Variants in CLPTM1L observed in about 807,000 individuals in gnomAD.
The protein encoded by CLPTM1L is lipid scramblase CLPTM1L.
Under a neutral mutation model 70.9 loss-of-function variants are expected in CLPTM1L, and 38 were observed. The ratio of observed to expected loss-of-function variants is 0.54; its 90% CI spans 0.41 to 0.70. The LOEUF (loss-of-function observed/expected upper bound fraction) is 0.70. Among genes scored for constraint, CLPTM1L ranks in the 30% least tolerant of loss-of-function variants. The pLI, the probability that CLPTM1L is intolerant of heterozygous loss-of-function variation, is 0.00. For synonymous variants in CLPTM1L, 339 were observed against 299.9 expected (o/e 1.13, Z -1.35); for missense variants, 652 against 705.9 (o/e 0.92, Z 0.87).
intron 12 of CLPTM1L, among the ~76,000 whole-genome samples, 183 bp from the exon 13 acceptor site, chr5:1,323,094 C>A (rs915485621): frequency 3.3e-5 from 5 of 152,186 alleles, no homozygotes; most frequent in African/African-American, 1.2e-4. Flanking sequence ...CGCTGAGCAC[C>A]CCCGGCCGGG....
intron 6 of CLPTM1L, 40 bp from the exon 7 acceptor site, chr5:1,334,423 T>C (rs1753421220): frequency 4.4e-6 from 6 of 1,355,936 alleles, no homozygotes; most frequent in South Asian, 3.5e-5. Flanking sequence ...AAACAGGCAA[T>C]GTCAATCTTA....
Position 1,344,464 on chromosome 5 carries a change from G to C in CLPTM1L, c.163-13C>G, listed in dbSNP as rs775861218. The C allele has an allele frequency of 3.7e-6, 6 of 1,609,594 alleles. No homozygotes were observed. The highest frequency in any genetic ancestry group is 5.1e-6 in the Non-Finnish European group (6 of 1,176,384). ...TGTACACGCTCAGCTGGAAAGGAGG[G>C]GGCGTCGAGAGTCAGCTCGGCCAGG... On this transcript the variant is annotated splice_polypyrimidine_tract_variant and intron_variant, in intron 1 of 16. Coordinates refer to ENST00000320895, the MANE Select transcript of CLPTM1L (RefSeq NM_030782.5).
intron 2 of CLPTM1L, among the ~76,000 whole-genome samples, chr5:1,343,257 T>G (rs1385863512): frequency 3.9e-5 from 6 of 151,990 alleles, no homozygotes; most frequent in Admixed American, 3.9e-4. Context: ...GGCTCCTCAC[T>G]ACCCAGGAAA....
In CLPTM1L at chr5:1,342,147, C is replaced by T. The variant is rs1188800505; in HGVS notation, c.264-287G>A. 6.6e-6 allele frequency among the ~76,000 whole-genome samples: 1 copy of T among 152,012 alleles called. No individual in the cohort carries two copies. Among genetic ancestry groups the T allele is most frequent in the East Asian group, 1.9e-4 (1 of 5,170 alleles). On this transcript the variant is annotated intron_variant, in intron 2 of 16. Transcript: ENST00000320895. The surrounding 1 kb of genome is among the most constrained non-coding windows in gnomAD (Gnocchi z 4.3). ...CCTCCATCTCAGGAGGCTGAGAGGT[C>T]AATAACCCACCTGAGGCCACAAGGC...
At chr5:1,339,032 A>G (rs1250382820) in intron 3 of CLPTM1L, 27 bp from the exon 4 acceptor site, 4 of 1,605,246 alleles carry the variant, frequency 2.5e-6, no homozygotes, top group Non-Finnish European at 3.4e-6. Flanking sequence ...ACAGAGGCCA[A>G]TGCTGGGACA....
intron 3 of CLPTM1L, among the ~76,000 whole-genome samples, chr5:1,341,104 G>A (rs966223426): frequency 6.6e-6 from 1 of 152,222 alleles, no homozygotes; most frequent in Non-Finnish European, 1.5e-5. Context: ...TCAACACAAA[G>A]GTGGGTGTCA....
At chr5:1,322,534 C>T (rs1752216881) in intron 13 of CLPTM1L, among the ~76,000 whole-genome samples, 1 of 152,220 alleles carries the variant, frequency 6.6e-6, no homozygotes. Flanking sequence ...AGACAACAGT[C>T]ATGCACCACA....
In CLPTM1L at chr5:1,331,811, A is replaced by G; in HGVS notation, c.964T>C (p.Ser322Pro). 6.2e-7 allele frequency: 1 copy of G among 1,613,360 alleles called. No individual in the cohort carries two copies. The highest frequency in any genetic ancestry group is 8.5e-7 in the Non-Finnish European group (1 of 1,179,976). ...WKKKKSMIGM[S>P]TKAVLWRCFS... ...TCGGGGGGCCTACCTGCCTTGGTGG[A>G]CATGCCGATCATGCTCTTCTTCTTC... The change falls in exon 8 of 17, where the codon TCC (serine) becomes CCC (proline). Residue 322 changes from serine (S) to proline (P), a missense_variant. Physicochemically the swap from Ser to Pro is moderately conservative, Grantham distance 74 (BLOSUM62 -1). Coordinates refer to ENST00000320895, the MANE Select transcript of CLPTM1L (RefSeq NM_030782.5).
chr5:1,323,915 GCCT>G, intron 11 of CLPTM1L, 46 bp from the exon 12 acceptor site: 1 of 1,441,098 alleles, frequency 6.9e-7, no homozygotes, highest in Non-Finnish European at 9.8e-7. Flanking sequence ...CAAACGCCAA[GCCT>G]CTGTAAACAC....
chr5:1,325,672 C>T, intron 10 of CLPTM1L, 79 bp downstream of exon 10: 1 of 1,185,402 alleles, frequency 8.4e-7, no homozygotes, highest in Non-Finnish European at 1.2e-6. Flanking sequence ...CTGCAGATGG[C>T]CATCTTACTC....
At chr5:1,340,268 AAGGAGACTGAG>A (rs1753857474) in intron 3 of CLPTM1L, among the ~76,000 whole-genome samples, 1 of 152,230 alleles carries the variant, frequency 6.6e-6, no homozygotes, top group African/African-American at 2.4e-5. Context: ...CTGTGGCTGT[AAGGAGACTGAG>A]AGGGAGTCAG....
intron 9 of CLPTM1L, among the ~76,000 whole-genome samples, chr5:1,326,929 A>C (rs1169058080): frequency 6.1e-5 from 9 of 148,474 alleles, no homozygotes; most frequent in Non-Finnish European, 1.0e-4. Context: ...CTCCTCCTCT[A>C]CGGACACATT....
rs996582087 is a variant in CLPTM1L at position 1,318,584 on chromosome 5, C to A, written c.1533-131G>T. The A allele has an allele frequency of 1.4e-6, 1 of 730,944 alleles. No individual in the cohort carries two copies. Among genetic ancestry groups the A allele is most frequent in the East Asian group, 2.7e-5 (1 of 36,562 alleles). The allele number at this position is 730,944 out of a possible 1,614,324, so 45.3% of individuals were successfully genotyped here. A position where few individuals can be genotyped will look rare whatever the true frequency, so the allele number is the denominator to read the frequency against. ...GAGCAAATTAACTAAAAAGTCGAAT[C>A]CTCAGAAGTTTTACTGCCGAGGGCT... On this transcript the variant is annotated intron_variant, in intron 16 of 16. Coordinates refer to ENST00000320895, the MANE Select transcript of CLPTM1L (RefSeq NM_030782.5). This position sits in a 1 kb window ranked among gnomAD's most constrained non-coding sequence, Gnocchi z 8.9.
In CLPTM1L at chr5:1,342,040, GCA is replaced by G. The variant is rs1197040532; in HGVS notation, c.264-182_264-181del. Among the ~76,000 whole-genome samples the G allele has an allele frequency of 8.3e-4, 45 of 54,418 alleles. No homozygotes were observed. The highest frequency in any genetic ancestry group is 4.1e-3 in the African/African-American group (35 of 8,634). The allele number at this position is 54,418 out of a possible 152,430, so 35.7% of individuals were successfully genotyped here. On this transcript the variant is annotated intron_variant, in intron 2 of 16. Transcript: ENST00000320895. The surrounding 1 kb of genome is among the most constrained non-coding windows in gnomAD (Gnocchi z 4.3). ...TGTGTGTGTGTGTGTGTGTGTGTGT[GCA>G]CGCGCACGCGTGCGCGTCCTGAGAA...
At chr5:1,331,633 G>A (rs367650311) in intron 8 of CLPTM1L, 166 bp downstream of exon 8, 6 of 627,438 alleles carry the variant, frequency 9.6e-6, no homozygotes, top group Non-Finnish European at 1.7e-5. Flanking sequence ...TTGCCGCAAC[G>A]GCTCCCTGGG....
intron 3 of CLPTM1L, among the ~76,000 whole-genome samples, chr5:1,340,911 G>T (rs944370214): frequency 6.6e-6 from 1 of 152,034 alleles, no homozygotes; most frequent in Non-Finnish European, 1.5e-5. Context: ...GATTACAGGC[G>T]CGTGCCACCA....
chr5:1,344,743 G>A lies in CLPTM1L; in HGVS notation c.99C>T (p.Thr33=), dbSNP rs1305304490. The A allele has an allele frequency of 6.2e-7, 1 of 1,602,188 alleles. No homozygotes were observed. Among genetic ancestry groups the A allele is most frequent in the African/African-American group, 1.3e-5 (1 of 74,682 alleles). The change falls in exon 1 of 17, where the codon ACC becomes ACT. Residue 33 remains threonine (T), a synonymous_variant. Coordinates refer to ENST00000320895, the MANE Select transcript of CLPTM1L (RefSeq NM_030782.5). ...TCWVMYGIVY[T]RPCSGDANCI... ...AGTTGGCGTCGCCGGAGCACGGGCG[G>A]GTGTAGACGATGCCGTACATGACCC...
At chr5:1,328,975 T>C (rs571443489) in intron 9 of CLPTM1L, among the ~76,000 whole-genome samples, 1 of 151,916 alleles carries the variant, frequency 6.6e-6, no homozygotes, top group Non-Finnish European at 1.5e-5. Flanking sequence ...ACACATTTCA[T>C]ACAGCTCCTC....
At chr5:1,340,933 T>TA (rs11443147) in intron 3 of CLPTM1L, among the ~76,000 whole-genome samples, 5,034 of 152,206 alleles carry the variant, frequency 0.033, 304 homozygotes, top group African/African-American at 0.12. Context: ...ATCCAGCTAA[T>TA]TTTTGTATTT....
Sources: gnomAD v4.1 joint callset for allele counts (sites outside exome capture counted in the v4.1 genomes callset) on GRCh38, gnomAD v4.1.1 for gene constraint, Gnocchi (gnomAD v3.1) non-coding constraint, MANE v1.5 for transcripts, NCBI Gene and HGNC (gene_info 2026-07-23, HGNC 2026-07-21) for gene names.